LSAMP: variants seen among roughly 807,000 people sequenced by gnomAD.
LSAMP encodes the protein limbic system-associated membrane protein.
In LSAMP, 7 loss-of-function variants were observed where a neutral mutation model predicts 38.6. That is an observed-to-expected ratio of 0.18 (90% CI 0.10 to 0.34). The LOEUF is 0.34. Ranked by LOEUF, LSAMP falls within the 10% of genes least tolerant of loss-of-function variation. LSAMP has a pLI of 1.00. For missense variants in LSAMP, 313 were observed against 420.0 expected (o/e 0.75, Z 2.23); for synonymous variants, 154 against 166.8 (o/e 0.92, Z 0.59).
chr3:115,935,074 C>T (rs1324694123), intron 3 of LSAMP, among the ~76,000 whole-genome samples: 1 of 151,398 alleles, frequency 6.6e-6, no homozygotes, highest in East Asian at 1.9e-4. Context: ...AAAAAAACCT[C>T]ACCAAATAAT....
At chr3:115,996,068 C>T (rs1382971525) in intron 3 of LSAMP, among the ~76,000 whole-genome samples, 1 of 151,792 alleles carries the variant, frequency 6.6e-6, no homozygotes, top group Non-Finnish European at 1.5e-5. Context: ...AATTTAGAAC[C>T]TATTTTATAA....
At chr3:116,134,325 A>T (rs1364316362) in intron 1 of LSAMP, among the ~76,000 whole-genome samples, 3 of 152,072 alleles carry the variant, frequency 2.0e-5, no homozygotes, top group Non-Finnish European at 2.9e-5. Flanking sequence ...ATTATAAATC[A>T]CCACCATCTT....
chr3:115,927,357 C>A (rs550178780), intron 3 of LSAMP, among the ~76,000 whole-genome samples: 36 of 152,280 alleles, frequency 2.4e-4, no homozygotes, highest in African/African-American at 8.2e-4. Flanking sequence ...GAAATATTCA[C>A]CACACTCTGA....
chr3:116,271,780 A>G (rs199559946), intron 1 of LSAMP, among the ~76,000 whole-genome samples: 4 of 152,062 alleles, frequency 2.6e-5, no homozygotes, highest in Admixed American at 2.6e-4. Flanking sequence ...GAGAAGCTGC[A>G]CTTTCATTAC....
chr3:115,855,056 A>G (rs982645992), intron 3 of LSAMP, among the ~76,000 whole-genome samples: 4 of 152,210 alleles, frequency 2.6e-5, no homozygotes, highest in Non-Finnish European at 5.9e-5. Flanking sequence ...AGAAGGAGAG[A>G]ACAAGGATAA....
intron 1 of LSAMP, among the ~76,000 whole-genome samples, chr3:116,304,533 G>A (rs1440819056): frequency 6.6e-6 from 1 of 152,146 alleles, no homozygotes; most frequent in Non-Finnish European, 1.5e-5. Context: ...AGAGACATGG[G>A]AAAGGAAACA....
chr3:116,350,372 A>G (rs1321496792), intron 1 of LSAMP, among the ~76,000 whole-genome samples: 2 of 152,086 alleles, frequency 1.3e-5, no homozygotes, highest in Non-Finnish European at 2.9e-5. Context: ...CTGTGGTTTC[A>G]CTTTCCATGA....
At chr3:116,393,093 G>A (rs544836674) in intron 1 of LSAMP, among the ~76,000 whole-genome samples, 29 of 152,198 alleles carry the variant, frequency 1.9e-4, no homozygotes, top group Admixed American at 5.2e-4. Context: ...CTTCCAAGTC[G>A]CAGGACAAGA....
intron 1 of LSAMP, among the ~76,000 whole-genome samples, chr3:116,088,144 A>G (rs976557063): frequency 2.0e-5 from 3 of 152,110 alleles, no homozygotes; most frequent in African/African-American, 7.2e-5. Flanking sequence ...CTCCCTAAGC[A>G]CTGGGATTAT....
chr3:116,292,655 T>A (rs1319377782), intron 1 of LSAMP, among the ~76,000 whole-genome samples: 2 of 152,222 alleles, frequency 1.3e-5, no homozygotes, highest in Admixed American at 1.3e-4. Context: ...CAACTCAGTG[T>A]ACTTGATCTG....
intron 1 of LSAMP, among the ~76,000 whole-genome samples, chr3:116,306,055 G>A (rs1050971090): frequency 4.6e-5 from 7 of 151,370 alleles, no homozygotes; most frequent in African/African-American, 1.5e-4. Context: ...CATAGTTAAT[G>A]TTTATTCAAC....
intron 1 of LSAMP, among the ~76,000 whole-genome samples, chr3:116,265,748 G>A (rs1267387654): frequency 6.6e-6 from 1 of 152,150 alleles, no homozygotes; most frequent in Non-Finnish European, 1.5e-5. Flanking sequence ...TTCCTGAAAT[G>A]TTTCTTTGTT....
At chr3:116,385,289 T>C (rs1267163764) in intron 1 of LSAMP, among the ~76,000 whole-genome samples, 1 of 152,184 alleles carries the variant, frequency 6.6e-6, no homozygotes, top group Non-Finnish European at 1.5e-5. Flanking sequence ...AGAAAGTTGG[T>C]TAAAATCCTT....
At chr3:116,141,312 G>C (rs954788389) in intron 1 of LSAMP, among the ~76,000 whole-genome samples, 1 of 151,870 alleles carries the variant, frequency 6.6e-6, no homozygotes, top group African/African-American at 2.4e-5. Flanking sequence ...AATTGGAAGA[G>C]ACATGCAAAG....
chr3:116,166,713 T>G (rs1710058288), intron 1 of LSAMP, among the ~76,000 whole-genome samples: 1 of 152,162 alleles, frequency 6.6e-6, no homozygotes, highest in Non-Finnish European at 1.5e-5. Flanking sequence ...TTGCAGAATT[T>G]TATGACCTGA....
At chr3:116,353,150 C>T (rs939431499) in intron 1 of LSAMP, among the ~76,000 whole-genome samples, 16 of 151,970 alleles carry the variant, frequency 1.1e-4, no homozygotes, top group African/African-American at 3.4e-4. Flanking sequence ...ACATTAGGTT[C>T]ATGAGACAGA....
chr3:115,966,591 C>G (rs1938823044), intron 3 of LSAMP, among the ~76,000 whole-genome samples: 2 of 152,120 alleles, frequency 1.3e-5, no homozygotes, highest in African/African-American at 4.8e-5. Context: ...TTCATAACAC[C>G]ATGGTTCTAA....
rs189205793 is a variant in LSAMP, at chr3:116,025,741, C to T, written c.389-6101G>A. Among the ~76,000 whole-genome samples, 291 of 152,188 alleles carry T rather than the reference C, an allele frequency of 1.9e-3. 4 individuals are homozygous for T. Among genetic ancestry groups the T allele is most frequent in the Non-Finnish European group, 2.1e-4 (14 of 67,996 alleles). On this transcript the variant is annotated intron_variant, in intron 2 of 6. Coordinates refer to ENST00000490035, the MANE Select transcript of LSAMP (RefSeq NM_002338.5). ...GTTTTCAGAATCACCCTATAAAGTG[C>T]TACCAACCTGGCCAGCCCAGTATTT...
At chr3:116,092,617 C>A (rs1312428451) in intron 1 of LSAMP, among the ~76,000 whole-genome samples, 1 of 152,120 alleles carries the variant, frequency 6.6e-6, no homozygotes, top group East Asian at 1.9e-4. Context: ...AATCAATGCA[C>A]CCATACAAAT....
Sources: gnomAD v4.1 joint callset for allele counts (sites outside exome capture counted in the v4.1 genomes callset) on GRCh38, gnomAD v4.1.1 for gene constraint, MANE v1.5 for transcripts, NCBI Gene and HGNC (gene_info 2026-07-23, HGNC 2026-07-21) for gene names.